STPG2: variants seen among roughly 807,000 people sequenced by gnomAD.
STPG2 encodes the protein sperm tail PG-rich repeat containing 2.
In STPG2, 56 loss-of-function variants were observed where a neutral mutation model predicts 54.2. The ratio of observed to expected loss-of-function variants is 1.03; its 90% CI spans 0.83 to 1.29. STPG2 has a LOEUF of 1.29. Among genes scored for constraint, STPG2 ranks in the 50% most tolerant of loss-of-function variants. The pLI, the probability that STPG2 is intolerant of heterozygous loss-of-function variation, is 0.00. For synonymous variants in STPG2, 200 were observed against 181.8 expected, an observed-to-expected ratio of 1.10 and a Z score of -0.81; for missense variants, 596 against 544.9, an observed-to-expected ratio of 1.09 and a Z score of -0.93.
chr4:97,553,982 C>T (rs903839492), downstream of STPG2, among the ~76,000 whole-genome samples: 1 of 152,130 alleles, frequency 6.6e-6, no homozygotes, highest in African/African-American at 2.4e-5. Flanking sequence ...AACTTCAACT[C>T]TTTATTTTCT....
At chr4:97,855,214 C>T (rs1190235148) in intron 8 of STPG2, among the ~76,000 whole-genome samples, 2 of 152,054 alleles carry the variant, frequency 1.3e-5, no homozygotes, top group African/African-American at 4.8e-5. Flanking sequence ...AACAAATATA[C>T]ACATGAATGT....
At chr4:97,931,875 C>CT (rs199798575) in intron 8 of STPG2, among the ~76,000 whole-genome samples, 9 of 150,390 alleles carry the variant, frequency 6.0e-5, no homozygotes, top group East Asian at 3.9e-4. Flanking sequence ...AGGTCTTGGT[C>CT]TTTTTTTTTA....
rs554910773 is a variant in STPG2 at position 97,918,519 on chromosome 4, T to C, written c.1044+25378A>G. 1.3e-5 allele frequency among the ~76,000 whole-genome samples: 2 copies of C among 151,982 alleles called. 1 individual carries two copies. The highest frequency in any genetic ancestry group is 2.9e-5 in the Non-Finnish European group (2 of 67,988). ...ATAGGTCCATGCTGTGTATGTGTAA[T>C]AAAAAACTAGTTTTTTAATTTTCAC... On this transcript the variant is annotated intron_variant, in intron 8 of 10. Coordinates refer to ENST00000295268, the MANE Select transcript of STPG2 (RefSeq NM_174952.3).
chr4:98,064,525 G>C (rs1191471785), intron 5 of STPG2, among the ~76,000 whole-genome samples: 2 of 152,146 alleles, frequency 1.3e-5, no homozygotes, highest in African/African-American at 2.4e-5. Flanking sequence ...TGTTAAAACA[G>C]ATTCCTTATA....
At chr4:97,746,309 T>C (rs1725419953) in intron 9 of STPG2, among the ~76,000 whole-genome samples, 1 of 151,238 alleles carries the variant, frequency 6.6e-6, no homozygotes, top group Non-Finnish European at 1.5e-5. Context: ...TTTGCTGGAA[T>C]GATATTCATA....
intron 10 of STPG2, among the ~76,000 whole-genome samples, chr4:97,562,009 T>C (rs1732264190): frequency 6.6e-6 from 1 of 152,190 alleles, no homozygotes. Flanking sequence ...GGGATGGCAT[T>C]AAATCTATAA....
intron 3 of STPG2, among the ~76,000 whole-genome samples, chr4:98,126,878 G>T (rs1030098608): frequency 2.6e-5 from 4 of 151,978 alleles, no homozygotes; most frequent in Admixed American, 1.3e-4. Flanking sequence ...CTGAGTGAAG[G>T]ATAGGATTAT....
chr4:98,017,614 T>C (rs533540665), intron 5 of STPG2, among the ~76,000 whole-genome samples: 18 of 152,326 alleles, frequency 1.2e-4, no homozygotes, highest in African/African-American at 4.3e-4. Flanking sequence ...TGTAAACTCT[T>C]ATCTGGAAAC....
chr4:97,966,812 G>A (rs1203829359), intron 7 of STPG2, among the ~76,000 whole-genome samples: 6 of 152,110 alleles, frequency 3.9e-5, no homozygotes, highest in African/African-American at 4.8e-5. Context: ...TAACAGAAAC[G>A]CAAAGGCTGA....
At position 97,518,699 on chromosome 4, in the gene STPG2, T is replaced by C. The variant is rs1731123974; in HGVS notation, c.462+194000A>G. 2.6e-5 allele frequency among the ~76,000 whole-genome samples: 4 copies of C among 152,102 alleles called. 1 individual carries two copies. The South Asian group carries it at 8.3e-4, about 31-fold the overall frequency. Reference sequence around the variant, plus strand: ...TAAAGTACTTAGTTTGCTTTCTCTATTCTCCCTTCTCCATTTCATACCAGG... The same window carrying C: ...TAAAGTACTTAGTTTGCTTTCTCTACTCTCCCTTCTCCATTTCATACCAGG... On this transcript the variant is annotated intron_variant, in intron 4 of 4. Transcript: ENST00000522676.
At chr4:97,878,277 CTT>C (rs981225834) in intron 8 of STPG2, among the ~76,000 whole-genome samples, 3 of 152,122 alleles carry the variant, frequency 2.0e-5, no homozygotes, top group Non-Finnish European at 2.9e-5. Flanking sequence ...CAATGGATCT[CTT>C]TTCACAGCTC....
At chr4:98,065,146 G>A (rs748553899) in intron 5 of STPG2, among the ~76,000 whole-genome samples, 1 of 151,870 alleles carries the variant, frequency 6.6e-6, no homozygotes, top group Non-Finnish European at 1.5e-5. Context: ...AAAACTAAAG[G>A]CATTCCCATA....
intron 5 of STPG2, among the ~76,000 whole-genome samples, chr4:98,009,197 T>C (rs1003435358): frequency 1.3e-5 from 2 of 152,078 alleles, no homozygotes. Flanking sequence ...CAGATCATTC[T>C]TTTTTGATGT....
intron 9 of STPG2, among the ~76,000 whole-genome samples, chr4:97,791,411 T>C (rs757040378): frequency 3.9e-4 from 59 of 152,154 alleles, no homozygotes; most frequent in Non-Finnish European, 5.6e-4. Flanking sequence ...CTGTACTTCA[T>C]ATATGACACT....
chr4:97,597,371 A>C (rs944118857), intron 10 of STPG2, among the ~76,000 whole-genome samples: 2 of 152,114 alleles, frequency 1.3e-5, no homozygotes, highest in African/African-American at 4.8e-5. Context: ...CTATTCCAAA[A>C]AATTGAGGAG....
intron 9 of STPG2, among the ~76,000 whole-genome samples, chr4:97,757,856 C>T (rs1725778522): frequency 6.6e-6 from 1 of 152,092 alleles, no homozygotes; most frequent in Admixed American, 6.6e-5. Flanking sequence ...CCTATACTAG[C>T]CCCAATTTAC....
rs563849644 is a variant in STPG2, at chr4:97,476,958, G to A, written c.462+235741C>T. On this transcript the variant is annotated intron_variant, in intron 4 of 4. Transcript: ENST00000522676. ...AATGGATATATCAAAAAGACAGTTG[G>A]ATAATTAATTTCGGAGTTTGGGGAC... Among the ~76,000 whole-genome samples, 243 of 152,260 alleles carry A rather than the reference G, an allele frequency of 1.6e-3. 1 individual carries two copies. The highest frequency in any genetic ancestry group is 2.0e-3 in the Non-Finnish European group (134 of 68,030).
At chr4:97,593,731 A>T (rs73831954) in intron 10 of STPG2, among the ~76,000 whole-genome samples, 20,057 of 152,032 alleles carry the variant, frequency 0.13, 4,062 homozygotes, top group African/African-American at 0.44. Flanking sequence ...TGCTCTAAGG[A>T]AGCACTTTAG....
At chr4:97,649,909 T>A (rs191058458) in intron 10 of STPG2, among the ~76,000 whole-genome samples, 1 of 152,204 alleles carries the variant, frequency 6.6e-6, no homozygotes, top group East Asian at 1.9e-4. Flanking sequence ...TGATATATAA[T>A]GAAATAATTA....
Sources: allele counts gnomAD v4.1 joint callset (sites outside exome capture counted in the v4.1 genomes callset), GRCh38; gene constraint gnomAD v4.1.1; transcripts MANE v1.5; gene names NCBI Gene and HGNC (gene_info 2026-07-23, HGNC 2026-07-21).